Variants in SV2C observed in about 807,000 individuals in gnomAD.
The protein encoded by SV2C is synaptic vesicle glycoprotein 2C.
SV2C carries 49 observed loss-of-function variants against 79.7 expected under a neutral mutation model. The observed-to-expected ratio is 0.61, with a 90% CI of 0.49 to 0.78. The LOEUF (loss-of-function observed/expected upper bound fraction) is 0.78, where lower values mean the gene tolerates loss of function less well. Ranked by LOEUF, SV2C falls within the 30% of genes least tolerant of loss-of-function variation. SV2C has a pLI of 0.00. For synonymous variants in SV2C, 334 were observed against 333.2 expected, an observed-to-expected ratio of 1.00 and a Z score of -0.03; for missense variants, 833 against 912.9, an observed-to-expected ratio of 0.91 and a Z score of 1.13.
chr5:75,964,700 T>C, the SV2C span, among the ~76,000 whole-genome samples: 1 of 152,204 alleles, frequency 6.6e-6, no homozygotes, highest in Admixed American at 6.5e-5. Context: ...TCCTCCACTT[T>C]CTGTCTTTCA....
At chr5:76,075,319 A>G in the SV2C span, among the ~76,000 whole-genome samples, 1 of 152,240 alleles carries the variant, frequency 6.6e-6, no homozygotes, top group East Asian at 1.9e-4. Flanking sequence ...TTCCCTGCAA[A>G]TGTCATTGAG....
intron 12 of SV2C, among the ~76,000 whole-genome samples, chr5:76,306,238 A>G (rs1748191583): frequency 6.6e-6 from 1 of 151,754 alleles, no homozygotes; most frequent in Non-Finnish European, 1.5e-5. Flanking sequence ...TTTTTATTTT[A>G]AGAGATGGGG....
At chr5:76,070,449 T>C in the SV2C span, among the ~76,000 whole-genome samples, 5 of 152,190 alleles carry the variant, frequency 3.3e-5, no homozygotes, top group Non-Finnish European at 4.4e-5. Context: ...CACTTCAGTC[T>C]CTTCTTCTCC....
At chr5:76,062,622 T>TG in the SV2C span, among the ~76,000 whole-genome samples, 1 of 147,822 alleles carries the variant, frequency 6.8e-6, no homozygotes, top group South Asian at 2.1e-4. Context: ...TGGTTGTGTC[T>TG]GAAAAAAAAA....
At chr5:76,029,002 A>G in the SV2C span, among the ~76,000 whole-genome samples, 2 of 152,248 alleles carry the variant, frequency 1.3e-5, no homozygotes, top group Admixed American at 1.3e-4. Flanking sequence ...GAATGCAATA[A>G]GTAAGTGGCT....
rs192881446 is a variant in SV2C, at chr5:76,106,576, T to C, written c.-102+23064T>C. On this transcript the variant is annotated intron_variant, in intron 1 of 12. Coordinates refer to ENST00000502798, the MANE Select transcript of SV2C (RefSeq NM_014979.4). ...CTTCTGCTCTTCTCTTTCATTACTC[T>C]GTTCCAACCACACTGGCCTCCTTCC... 6.6e-3 allele frequency among the ~76,000 whole-genome samples: 1,008 copies of C among 152,330 alleles called. 7 individuals are homozygous for C. The highest frequency in any genetic ancestry group is 0.011 in the Non-Finnish European group (731 of 68,028).
At chr5:76,179,661 C>A (rs1743659533) in intron 2 of SV2C, among the ~76,000 whole-genome samples, 1 of 152,166 alleles carries the variant, frequency 6.6e-6, no homozygotes, top group Non-Finnish European at 1.5e-5. Context: ...TCACTAATGA[C>A]AAAATAAATC....
At chr5:76,085,826 TAC>T (rs34074817) in intron 1 of SV2C, among the ~76,000 whole-genome samples, 6,419 of 141,756 alleles carry the variant, frequency 0.045, 196 homozygotes, top group Non-Finnish European at 0.071. Flanking sequence ...ACAAAGCCCC[TAC>T]ACACACACAC....
At chr5:75,874,872 T>C in the SV2C span, among the ~76,000 whole-genome samples, 1 of 151,954 alleles carries the variant, frequency 6.6e-6, no homozygotes, top group Non-Finnish European at 1.5e-5. Context: ...GTCTCTGCAA[T>C]GGGAATTATA....
At chr5:76,290,919 A>G (rs1747540701) in intron 6 of SV2C, among the ~76,000 whole-genome samples, 1 of 152,222 alleles carries the variant, frequency 6.6e-6, no homozygotes, top group Non-Finnish European at 1.5e-5. Context: ...TTTGTCTGCT[A>G]ATGTGTGTCT....
In SV2C at chr5:76,131,790, G is replaced by C; in HGVS notation, c.40G>C (p.Gly14Arg). The C allele has an allele frequency of 6.2e-7, 1 of 1,613,676 alleles. No individual in the cohort carries two copies. The highest frequency in any genetic ancestry group is 1.3e-5 in the African/African-American group (1 of 74,972). ...CAAGGATAGGACTTCACTGATGAAG[G>C]GTGCCAAGGACATTGCCAGAGAGGT... ...SYKDRTSLMKGAKDIAREVKK... is the reference protein window; with the variant it reads ...SYKDRTSLMKRAKDIAREVKK... The change falls in exon 2 of 13, where the codon GGT becomes CGT. Residue 14 changes from glycine to arginine, a missense_variant. Coordinates refer to ENST00000502798, the MANE Select transcript of SV2C (RefSeq NM_014979.4).
At chr5:76,308,055 T>C (rs1748267064) in intron 12 of SV2C, among the ~76,000 whole-genome samples, 1 of 152,252 alleles carries the variant, frequency 6.6e-6, no homozygotes, top group African/African-American at 2.4e-5. Flanking sequence ...TCATTCTGTT[T>C]GAAATCTTCC....
At chr5:76,054,258 C>G in the SV2C span, among the ~76,000 whole-genome samples, 1 of 152,048 alleles carries the variant, frequency 6.6e-6, no homozygotes, top group Non-Finnish European at 1.5e-5. Flanking sequence ...GTTTTCTGTT[C>G]CTGTGTTAGT....
At chr5:76,137,354 G>C (rs1169806819) in intron 2 of SV2C, among the ~76,000 whole-genome samples, 2 of 152,222 alleles carry the variant, frequency 1.3e-5, no homozygotes, top group African/African-American at 4.8e-5. Context: ...TTCTGGAAGA[G>C]AAATGGAAAA....
chr5:75,862,506 T>C, the SV2C span, among the ~76,000 whole-genome samples: 1 of 152,238 alleles, frequency 6.6e-6, no homozygotes, highest in Non-Finnish European at 1.5e-5. Flanking sequence ...TCCTTTAGCC[T>C]ATTAAGGCAG....
At chr5:75,929,848 A>G in the SV2C span, among the ~76,000 whole-genome samples, 1 of 152,220 alleles carries the variant, frequency 6.6e-6, no homozygotes, top group East Asian at 1.9e-4. Flanking sequence ...GAAGAAAACT[A>G]CGTTTTGTAA....
At chr5:76,056,007 C>T in the SV2C span, among the ~76,000 whole-genome samples, 1 of 152,050 alleles carries the variant, frequency 6.6e-6, no homozygotes, top group Admixed American at 6.6e-5. Context: ...TTTGATTGCC[C>T]TGGCCAGAAC....
intron 2 of SV2C, among the ~76,000 whole-genome samples, chr5:76,187,981 G>A (rs1743973311): frequency 6.6e-6 from 1 of 152,010 alleles, no homozygotes; most frequent in South Asian, 2.1e-4. Context: ...ATTGTTGGTC[G>A]GGTGCAGTGA....
intron 1 of SV2C, among the ~76,000 whole-genome samples, chr5:76,116,435 G>T (rs947120722): frequency 1.3e-5 from 2 of 152,178 alleles, no homozygotes; most frequent in Non-Finnish European, 2.9e-5. Flanking sequence ...AAACCCAGGA[G>T]AGGGAAGCAG....
Sources: gnomAD v4.1 joint callset for allele counts (sites outside exome capture counted in the v4.1 genomes callset) on GRCh38, gnomAD v4.1.1 for gene constraint, MANE v1.5 for transcripts, NCBI Gene and HGNC (gene_info 2026-07-23, HGNC 2026-07-21) for gene names.